The following ZNRF3 variants were observed in gnomAD, a reference collection of about 807,000 sequenced individuals.
ZNRF3 encodes zinc and ring finger 3.
A neutral mutation model predicts 72.5 loss-of-function variants in ZNRF3; 23 were observed. That is an observed-to-expected ratio of 0.32 (90% confidence interval 0.23 to 0.45). ZNRF3 has a LOEUF of 0.45. Among genes scored for constraint, ZNRF3 ranks in the 20% least tolerant of loss-of-function variants. The pLI is 1.00. For missense variants in ZNRF3, 1,169 were observed against 1,272.1 expected (o/e 0.92, Z 1.23); for synonymous variants, 610 against 545.3 (o/e 1.12, Z -1.65).
intron 1 of ZNRF3, among the ~76,000 whole-genome samples, chr22:28,906,585 G>A (rs1049149964): frequency 6.6e-6 from 1 of 152,208 alleles, no homozygotes; most frequent in African/African-American, 2.4e-5. Flanking sequence ...ATGAAAATTA[G>A]ATGATATATG....
chr22:29,012,642 A>T (rs1174237693), intron 2 of ZNRF3, among the ~76,000 whole-genome samples: 2 of 152,224 alleles, frequency 1.3e-5, no homozygotes, highest in African/African-American at 2.4e-5. Context: ...TAGGTGTAGG[A>T]AGGGCCCCCA....
intron 2 of ZNRF3, among the ~76,000 whole-genome samples, chr22:29,020,828 G>A (rs138785228): frequency 0.013 from 1,843 of 144,492 alleles, 42 homozygotes; most frequent in African/African-American, 0.046. Flanking sequence ...ACAGAGTCTC[G>A]CTCTGTTGCC....
At chr22:28,885,263 C>T (rs1199449661) in intron 1 of ZNRF3, among the ~76,000 whole-genome samples, 1 of 152,114 alleles carries the variant, frequency 6.6e-6, no homozygotes, top group Non-Finnish European at 1.5e-5. Context: ...CAGCTTGACT[C>T]CGTAGAGGTG....
At chr22:29,019,727 T>G (rs1242272718) in intron 2 of ZNRF3, among the ~76,000 whole-genome samples, 1 of 152,176 alleles carries the variant, frequency 6.6e-6, no homozygotes, top group Non-Finnish European at 1.5e-5. Flanking sequence ...TTTACACCCA[T>G]GAACTATTTA....
intron 1 of ZNRF3, among the ~76,000 whole-genome samples, chr22:28,889,563 G>C (rs2033849340): frequency 6.6e-6 from 1 of 152,114 alleles, no homozygotes; most frequent in African/African-American, 2.4e-5. Flanking sequence ...GTCTTCTGGA[G>C]TTCAGTCTCC....
chr22:28,938,929 A>G (rs1001040834), intron 1 of ZNRF3, among the ~76,000 whole-genome samples: 1 of 152,148 alleles, frequency 6.6e-6, no homozygotes, highest in Non-Finnish European at 1.5e-5. Context: ...AATTCTGAAT[A>G]TTACTGTTTA....
At chr22:28,916,922 C>T (rs2034416972) in intron 1 of ZNRF3, among the ~76,000 whole-genome samples, 1 of 152,132 alleles carries the variant, frequency 6.6e-6, no homozygotes, top group African/African-American at 2.4e-5. Flanking sequence ...ACTATACCGC[C>T]CAGGATTTCC....
intron 1 of ZNRF3, among the ~76,000 whole-genome samples, chr22:28,886,955 C>G (rs1229991124): frequency 6.6e-6 from 1 of 151,008 alleles, no homozygotes; most frequent in Non-Finnish European, 1.5e-5. Context: ...GACACTCTCT[C>G]AAAAACAAAC....
At chr22:29,036,734 G>A (rs6005965) in intron 2 of ZNRF3, among the ~76,000 whole-genome samples, 81,823 of 151,992 alleles carry the variant, frequency 0.54, 22,327 homozygotes, top group African/African-American at 0.62. Context: ...ATGAAAACCA[G>A]TATTTATTCA....
intron 1 of ZNRF3, among the ~76,000 whole-genome samples, chr22:28,943,775 G>A (rs55945584): frequency 0.017 from 2,542 of 152,150 alleles, 80 homozygotes; most frequent in African/African-American, 0.059. Flanking sequence ...TCTGAGAATT[G>A]CCAAATTACC....
chr22:29,049,522 C>T lies in ZNRF3; in HGVS notation c.1341C>T (p.Arg447=). 4 of 1,605,030 alleles carry T rather than the reference C, an allele frequency of 2.5e-6. No individual in the cohort carries two copies. In the South Asian group the frequency reaches 4.4e-5, roughly 18 times the overall value. The change falls in exon 8 of 9, where the codon CGC becomes CGT. Residue 447 remains arginine, a synonymous_variant. Coordinates refer to ENST00000544604, the MANE Select transcript of ZNRF3 (RefSeq NM_001206998.2). The surrounding 1 kb of genome is among the most constrained non-coding windows in gnomAD (Gnocchi z 5.2). ...HRAYSPAHPF[R]RPKLSGRSFS... is the part of the protein sequence containing the mutation. ...CCTACTCCCCAGCCCACCCCTTCCG[C>T]AGGCCCAAGTTGAGTGGCCGCAGCT...
intron 2 of ZNRF3, among the ~76,000 whole-genome samples, chr22:28,989,092 T>G (rs1394153166): frequency 6.6e-6 from 1 of 152,202 alleles, no homozygotes; most frequent in Non-Finnish European, 1.5e-5. Flanking sequence ...TTAAGTTTAT[T>G]CACTCACCAA....
chr22:29,032,344 G>A (rs983839810), intron 2 of ZNRF3, among the ~76,000 whole-genome samples: 1 of 152,190 alleles, frequency 6.6e-6, no homozygotes, highest in African/African-American at 2.4e-5. Context: ...CTTGTTTTCA[G>A]AGAGCTTTGA....
In ZNRF3 at chr22:28,936,466, G is replaced by A. The variant is rs530309614; in HGVS notation, c.301-50610G>A. Among the ~76,000 whole-genome samples the A allele has an allele frequency of 2.0e-5, 3 of 152,232 alleles. No individual in the cohort carries two copies. The East Asian group carries it at 5.8e-4, about 29-fold the overall frequency. ...CAACCCTGACTCCTTTCAGCTCCTA[G>A]TGCCCCGGTACCTCTCCTGGGATCC... On this transcript the variant is annotated intron_variant, in intron 1 of 8. Coordinates refer to ENST00000544604, the MANE Select transcript of ZNRF3 (RefSeq NM_001206998.2).
chr22:28,885,590 T>TAAAAA (rs34201242), intron 1 of ZNRF3, among the ~76,000 whole-genome samples: 4 of 102,744 alleles, frequency 3.9e-5, no homozygotes, highest in African/African-American at 1.4e-4. Context: ...TACAGCCTTC[T>TAAAAA]AAAAAAAAAA....
At chr22:28,980,704 T>TGG (rs1314704888) in intron 1 of ZNRF3, among the ~76,000 whole-genome samples, 1 of 152,226 alleles carries the variant, frequency 6.6e-6, no homozygotes, top group Non-Finnish European at 1.5e-5. Context: ...TGCACTTTCA[T>TGG]TGTAGCTTAT....
intron 2 of ZNRF3, among the ~76,000 whole-genome samples, chr22:29,034,347 A>T (rs2036823254): frequency 6.6e-6 from 1 of 152,210 alleles, no homozygotes; most frequent in African/African-American, 2.4e-5. Flanking sequence ...ATTGGTTTCC[A>T]GATCAAAATG....
chr22:28,991,507 T>G (rs1601637335), intron 2 of ZNRF3, among the ~76,000 whole-genome samples: 1 of 152,098 alleles, frequency 6.6e-6, no homozygotes, highest in East Asian at 1.9e-4. Context: ...ATGCTGCCTG[T>G]GTCATTGTAG....
At chr22:29,010,985 A>T (rs1368821378) in intron 2 of ZNRF3, among the ~76,000 whole-genome samples, 2 of 152,130 alleles carry the variant, frequency 1.3e-5, no homozygotes, top group Admixed American at 1.3e-4. Flanking sequence ...TTTGACTCTT[A>T]ATGAAGCCCA....
Sources: gnomAD v4.1 joint callset for allele counts (sites outside exome capture counted in the v4.1 genomes callset) on GRCh38, gnomAD v4.1.1 for gene constraint, Gnocchi (gnomAD v3.1) non-coding constraint, MANE v1.5 for transcripts, NCBI Gene and HGNC (gene_info 2026-07-23, HGNC 2026-07-21) for gene names.